Variants in MYT1L observed in about 807,000 individuals in gnomAD.
MYT1L encodes the protein myelin transcription factor 1 like, also known as myelin transcription factor 1-like protein.
Under a neutral mutation model 126.7 loss-of-function variants are expected in MYT1L, and 12 were observed. The observed-to-expected ratio is 0.09, with a 90% CI of 0.06 to 0.15. MYT1L has a LOEUF of 0.15. Ranked by LOEUF, MYT1L falls within the 10% of genes least tolerant of loss-of-function variation. The pLI, the probability that MYT1L is intolerant of heterozygous loss-of-function variation, is 1.00. For synonymous variants in MYT1L, 541 were observed against 604.2 expected (o/e 0.90, Z 1.53); for missense variants, 979 against 1,585.2 (o/e 0.62, Z 6.49).
At chr2:2,206,075 C>A (rs191149689) in intron 2 of MYT1L, among the ~76,000 whole-genome samples, 1 of 151,994 alleles carries the variant, frequency 6.6e-6, no homozygotes, top group Admixed American at 6.6e-5. Flanking sequence ...CTCCACCTCC[C>A]AGGTTCAAGC....
At chr2:1,858,695 G>T (rs2044212324) in intron 18 of MYT1L, among the ~76,000 whole-genome samples, 1 of 152,200 alleles carries the variant, frequency 6.6e-6, no homozygotes, top group African/African-American at 2.4e-5. Context: ...TTCACGGAAA[G>T]GCAATTCTTG....
At chr2:2,094,543 C>T (rs899856854) in intron 3 of MYT1L, among the ~76,000 whole-genome samples, 1 of 152,126 alleles carries the variant, frequency 6.6e-6, no homozygotes, top group African/African-American at 2.4e-5. Flanking sequence ...CAATGATAGA[C>T]TGGATTAAGA....
intron 4 of MYT1L, among the ~76,000 whole-genome samples, chr2:2,014,772 G>T (rs2149786911): frequency 6.6e-6 from 1 of 152,366 alleles, no homozygotes; most frequent in African/African-American, 2.4e-5. Context: ...AAGAGGACTA[G>T]ATCCCAGGAG....
intron 14 of MYT1L, among the ~76,000 whole-genome samples, chr2:1,894,036 A>G (rs996245599): frequency 2.6e-5 from 4 of 152,276 alleles, no homozygotes; most frequent in African/African-American, 7.2e-5. Context: ...ATTCCTGTGC[A>G]TGAGCCAGAG....
rs539057658 is a variant in MYT1L, at chr2:2,203,819, A to T, written c.-420-30831T>A. ...CATTGCCAAGTCAATCCTAAGCCAA[A>T]AGAACAAAGCTGGAGGCATCACACT... On this transcript the variant is annotated intron_variant, in intron 2 of 24. Coordinates refer to ENST00000647738, the MANE Select transcript of MYT1L (RefSeq NM_001303052.2). Among the ~76,000 whole-genome samples, 6 of 152,338 alleles carry T rather than the reference A, an allele frequency of 3.9e-5. No homozygotes were observed. The South Asian group carries it at 1.2e-3, about 32-fold the overall frequency.
chr2:2,262,724 G>C lies in MYT1L; in HGVS notation c.-421+21680C>G, dbSNP rs368368082. Among the ~76,000 whole-genome samples the C allele has an allele frequency of 1.0e-4, 15 of 150,716 alleles. No homozygotes were observed. In the East Asian group the frequency reaches 1.6e-3, roughly 16 times the overall value. ...AAAAAAAAAAATTATGATTCCTGCA[G>C]CTATAACATCTGACCTGTCTTTGCA... On this transcript the variant is annotated intron_variant, in intron 2 of 24. Transcript: ENST00000647738.
chr2:2,133,507 G>A (rs1239778294), intron 3 of MYT1L, among the ~76,000 whole-genome samples: 1 of 152,156 alleles, frequency 6.6e-6, no homozygotes, highest in Non-Finnish European at 1.5e-5. Flanking sequence ...CTCACCCAGT[G>A]TAAACTCAAA....
chr2:1,845,938 C>G (rs1270308524), intron 19 of MYT1L, among the ~76,000 whole-genome samples: 3 of 152,192 alleles, frequency 2.0e-5, no homozygotes, highest in Non-Finnish European at 4.4e-5. Flanking sequence ...AGACCCTCAC[C>G]ATCCCTCATG....
In MYT1L at chr2:1,892,471, C is replaced by T. The variant is rs4564802; in HGVS notation, c.2033-184G>A. Among the ~76,000 whole-genome samples the T allele has an allele frequency of 0.49, 74,948 of 151,436 alleles. 21,391 individuals are homozygous for T. The highest frequency in any genetic ancestry group is 0.79 in the African/African-American group (32,732 of 41,224). On this transcript the variant is annotated intron_variant, in intron 14 of 24. Transcript: ENST00000647738. ...CAAACGAAAACAAAACAAAACTTTCCGGCTCCTTTCTTTTTTCTTCTTTTT... is the reference window on the plus strand; with the variant it reads ...CAAACGAAAACAAAACAAAACTTTCTGGCTCCTTTCTTTTTTCTTCTTTTT...
At chr2:2,103,557 A>C (rs548054451) in intron 3 of MYT1L, among the ~76,000 whole-genome samples, 15 of 152,364 alleles carry the variant, frequency 9.8e-5, no homozygotes, top group African/African-American at 3.6e-4. Context: ...ACCGAGTGCC[A>C]CAGCGTCAGC....
intron 8 of MYT1L, among the ~76,000 whole-genome samples, chr2:1,964,231 T>A (rs1443043120): frequency 6.6e-6 from 1 of 152,170 alleles, no homozygotes; most frequent in Non-Finnish European, 1.5e-5. Flanking sequence ...CGGATTAAGT[T>A]TACTGTCTTA....
intron 3 of MYT1L, among the ~76,000 whole-genome samples, chr2:2,064,242 G>A (rs1379254162): frequency 1.3e-5 from 2 of 152,182 alleles, no homozygotes; most frequent in Non-Finnish European, 2.9e-5. Flanking sequence ...CACGAGGTCA[G>A]TGCCTAGACC....
intron 2 of MYT1L, among the ~76,000 whole-genome samples, chr2:2,233,508 C>A (rs894725385): frequency 1.3e-5 from 2 of 152,184 alleles, no homozygotes; most frequent in African/African-American, 2.4e-5. Flanking sequence ...ATCTCACAGA[C>A]CCTGGGGTGG....
intron 2 of MYT1L, among the ~76,000 whole-genome samples, chr2:2,240,290 T>C (rs1315748958): frequency 1.3e-5 from 2 of 152,048 alleles, no homozygotes; most frequent in African/African-American, 4.8e-5. Context: ...CGAAACTCCG[T>C]CTCTAAATAA....
chr2:2,299,755 C>A (rs74896209), intron 1 of MYT1L, among the ~76,000 whole-genome samples: 2,903 of 152,308 alleles, frequency 0.019, 64 homozygotes, highest in South Asian at 0.11. Flanking sequence ...GTGAGAGACT[C>A]TTACTCACAA....
At chr2:1,973,927 G>C (rs2059990179) in intron 8 of MYT1L, among the ~76,000 whole-genome samples, 1 of 152,212 alleles carries the variant, frequency 6.6e-6, no homozygotes, top group Non-Finnish European at 1.5e-5. Flanking sequence ...TTCCCAGCCA[G>C]CAAACTGCTA....
At chr2:1,807,220 A>G (rs2035858454) in intron 22 of MYT1L, among the ~76,000 whole-genome samples, 1 of 152,224 alleles carries the variant, frequency 6.6e-6, no homozygotes, top group African/African-American at 2.4e-5. Context: ...ACAATGGGCC[A>G]CATGTTGAGG....
At chr2:1,975,596 G>C (rs1338774122) in intron 8 of MYT1L, among the ~76,000 whole-genome samples, 1 of 152,194 alleles carries the variant, frequency 6.6e-6, no homozygotes, top group Non-Finnish European at 1.5e-5. Context: ...GGGTGTGGTG[G>C]CATGCGCCTG....
rs114279904 is a variant in MYT1L at position 2,026,305 on chromosome 2, C to A, written c.-158+27673G>T. On this transcript the variant is annotated intron_variant, in intron 4 of 24. Coordinates refer to ENST00000647738, the MANE Select transcript of MYT1L (RefSeq NM_001303052.2). Reference sequence around the variant, plus strand: ...GAGAGGTTTGCTGGGGCCGGCCCATCTCTGCCCGCACCAGAGGAGACTGAG... The same window carrying A: ...GAGAGGTTTGCTGGGGCCGGCCCATATCTGCCCGCACCAGAGGAGACTGAG... Among the ~76,000 whole-genome samples, 1,383 of 152,284 alleles carry A rather than the reference C, an allele frequency of 9.1e-3. 29 individuals are homozygous for A. Among genetic ancestry groups the A allele is most frequent in the African/African-American group, 0.031 (1,290 of 41,558 alleles).
Sources: gnomAD v4.1 joint callset for allele counts (sites outside exome capture counted in the v4.1 genomes callset) on GRCh38, gnomAD v4.1.1 for gene constraint, MANE v1.5 for transcripts, NCBI Gene and HGNC (gene_info 2026-07-23, HGNC 2026-07-21) for gene names.